The following PAK5 variants were observed in gnomAD, a reference collection of about 807,000 sequenced individuals.
PAK5 encodes the protein serine/threonine-protein kinase PAK 5.
PAK5 carries 16 observed loss-of-function variants against 65.9 expected under a neutral mutation model. The observed-to-expected ratio is 0.24, with a 90% CI of 0.16 to 0.37. The LOEUF is 0.37. Ranked by LOEUF, PAK5 falls within the 10% of genes least tolerant of loss-of-function variation. PAK5 has a pLI of 1.00. For synonymous variants in PAK5, 371 were observed against 354.9 expected (o/e 1.05, Z -0.51); for missense variants, 785 against 903.9 (o/e 0.87, Z 1.69).
At chr20:9,719,429 A>C (rs2048188537) in intron 1 of PAK5, among the ~76,000 whole-genome samples, 2 of 152,166 alleles carry the variant, frequency 1.3e-5, no homozygotes, top group Non-Finnish European at 2.9e-5. Context: ...ACAGGAAAAT[A>C]TCTGGTTTGA....
chr20:9,600,071 A>G (rs1016233117), intron 3 of PAK5, among the ~76,000 whole-genome samples: 1 of 152,136 alleles, frequency 6.6e-6, no homozygotes, highest in Non-Finnish European at 1.5e-5. Flanking sequence ...GCTGTTGGGT[A>G]TCCAGTTCTC....
chr20:9,607,954 A>G (rs2046485706), intron 3 of PAK5, among the ~76,000 whole-genome samples: 1 of 152,216 alleles, frequency 6.6e-6, no homozygotes, highest in African/African-American at 2.4e-5. Flanking sequence ...ATAGAAATCT[A>G]TTTCTCACAG....
At chr20:9,729,521 T>C (rs2423441) in intron 1 of PAK5, among the ~76,000 whole-genome samples, 101,427 of 151,954 alleles carry the variant, frequency 0.67, 34,192 homozygotes, top group South Asian at 0.84. Flanking sequence ...GTATCTCTTG[T>C]ACCCACAGGT....
At chr20:9,669,242 T>C (rs1016616226) in intron 2 of PAK5, among the ~76,000 whole-genome samples, 13 of 152,174 alleles carry the variant, frequency 8.5e-5, no homozygotes, top group African/African-American at 3.1e-4. Context: ...GTATTTAGGA[T>C]GGTTTCTCTT....
chr20:9,695,174 T>C (rs1340132895), intron 2 of PAK5, among the ~76,000 whole-genome samples: 1 of 152,070 alleles, frequency 6.6e-6, no homozygotes, highest in East Asian at 1.9e-4. Flanking sequence ...GTAGATATCC[T>C]CTTTTGTGAA....
rs150586534 is a variant in PAK5, at chr20:9,774,417, C to G, written c.-161-62982G>C. On this transcript the variant is annotated intron_variant, in intron 1 of 9. Transcript: ENST00000353224. ...TTGGGGAGCCGCTGGACTTTTCATACATTGCTGATGGGAGTATAAAAATAG... is the reference window on the plus strand; with the variant it reads ...TTGGGGAGCCGCTGGACTTTTCATAGATTGCTGATGGGAGTATAAAAATAG... 9.5e-4 allele frequency among the ~76,000 whole-genome samples: 144 copies of G among 152,282 alleles called. 1 individual carries two copies. Among genetic ancestry groups the G allele is most frequent in the African/African-American group, 3.4e-3 (140 of 41,556 alleles).
rs540759510 is a variant in PAK5 at position 9,674,428 on chromosome 20, C to T, written c.-11-30089G>A. ...GGGGATCAATACTAGAGGAAGAATACGATACAAGCTTTCTTATATGTTTCC... is the reference window on the plus strand; with the variant it reads ...GGGGATCAATACTAGAGGAAGAATATGATACAAGCTTTCTTATATGTTTCC... On this transcript the variant is annotated intron_variant, in intron 2 of 9. Transcript: ENST00000353224. Among the ~76,000 whole-genome samples the T allele has an allele frequency of 1.6e-4, 24 of 152,274 alleles. No individual in the cohort carries two copies. The East Asian group carries it at 3.3e-3, about 21-fold the overall frequency.
chr20:9,702,656 T>C (rs1423559086), intron 2 of PAK5, among the ~76,000 whole-genome samples: 3 of 152,158 alleles, frequency 2.0e-5, no homozygotes, highest in Non-Finnish European at 4.4e-5. Context: ...TCAGTTGTTC[T>C]CCCCTGTTAT....
At chr20:9,807,757 A>AAAAC (rs1383516474) in intron 1 of PAK5, among the ~76,000 whole-genome samples, 2 of 139,652 alleles carry the variant, frequency 1.4e-5, no homozygotes, top group Non-Finnish European at 3.1e-5. Flanking sequence ...CTTCCAGCAA[A>AAAAC]AAATAAATAA....
chr20:9,771,683 A>C (rs928554689), intron 1 of PAK5, among the ~76,000 whole-genome samples: 5 of 149,922 alleles, frequency 3.3e-5, no homozygotes, highest in East Asian at 2.0e-4. Flanking sequence ...AGCCTCTCAA[A>C]GTGCTGGTAT....
intron 3 of PAK5, among the ~76,000 whole-genome samples, chr20:9,640,195 A>G (rs1312929232): frequency 3.8e-5 from 5 of 131,618 alleles, no homozygotes; most frequent in East Asian, 2.8e-4. Context: ...TCCTAATGCT[A>G]TCCCTCCCCC....
Position 9,580,775 on chromosome 20 carries a change from C to T in PAK5, c.360G>A (p.Ala120=), listed in dbSNP as rs764811122. 6.2e-6 allele frequency: 10 copies of T among 1,613,708 alleles called. No homozygotes were observed. The highest frequency in any genetic ancestry group is 2.7e-5 in the African/African-American group (2 of 74,800). ...QGASSHGPGH[A]EENGFITFSQ... is the part of the protein sequence containing the mutation. ...AGAAGGTGATGAAGCCATTTTCTTC[C>T]GCGTGGCCTGGACCGTGGCTGGAGG... Residue 120 remains alanine (A), a synonymous_variant, in exon 4 of 10, where the codon GCG becomes GCA. Coordinates refer to ENST00000353224, the MANE Select transcript of PAK5 (RefSeq NM_177990.4).
intron 3 of PAK5, among the ~76,000 whole-genome samples, chr20:9,635,437 C>G (rs2046971885): frequency 1.3e-5 from 2 of 152,162 alleles, no homozygotes. Context: ...CATCCAATCT[C>G]TACTTGTCCA....
In PAK5 at chr20:9,595,921, G is replaced by T. The variant is rs77807311; in HGVS notation, c.205-14991C>A. 2.3e-3 allele frequency among the ~76,000 whole-genome samples: 343 copies of T among 151,242 alleles called. 2 individuals are homozygous for T. The highest frequency in any genetic ancestry group is 8.2e-3 in the African/African-American group (334 of 40,668). ...AGGCTTGAAAAAAATCAAATTTATAGCTTAACTATTGATTTTGTTCATGTG... is the reference window on the plus strand; with the variant it reads ...AGGCTTGAAAAAAATCAAATTTATATCTTAACTATTGATTTTGTTCATGTG... On this transcript the variant is annotated intron_variant, in intron 3 of 9. Coordinates refer to ENST00000353224, the MANE Select transcript of PAK5 (RefSeq NM_177990.4).
At chr20:9,764,634 T>A (rs1411752684) in intron 1 of PAK5, among the ~76,000 whole-genome samples, 1 of 152,136 alleles carries the variant, frequency 6.6e-6, no homozygotes, top group Non-Finnish European at 1.5e-5. Context: ...ATACTGGAGA[T>A]TATAGTCCAA....
intron 3 of PAK5, among the ~76,000 whole-genome samples, chr20:9,642,428 C>G (rs2060858179): frequency 6.6e-6 from 1 of 152,108 alleles, no homozygotes; most frequent in African/African-American, 2.4e-5. Flanking sequence ...TAATGATACT[C>G]CAGGGTAAGA....
chr20:9,798,946 G>T (rs1475200602), intron 1 of PAK5, among the ~76,000 whole-genome samples: 1 of 152,126 alleles, frequency 6.6e-6, no homozygotes, highest in Non-Finnish European at 1.5e-5. Flanking sequence ...CCATTCAGGT[G>T]ATTCTGATGG....
At chr20:9,768,821 G>GA (rs559609473) in intron 1 of PAK5, among the ~76,000 whole-genome samples, 24,546 of 101,376 alleles carry the variant, frequency 0.24, 2,404 homozygotes, top group African/African-American at 0.34. Context: ...GGGAAAGAAA[G>GA]AAAAAAAAAA....
At chr20:9,716,716 C>T (rs188741511) in intron 1 of PAK5, among the ~76,000 whole-genome samples, 25 of 152,260 alleles carry the variant, frequency 1.6e-4, no homozygotes, top group Admixed American at 1.6e-3. Context: ...ATTTCTTTCT[C>T]TTAAAATATG....
Sources: gnomAD v4.1 joint callset for allele counts (sites outside exome capture counted in the v4.1 genomes callset) on GRCh38, gnomAD v4.1.1 for gene constraint, MANE v1.5 for transcripts, NCBI Gene and HGNC (gene_info 2026-07-23, HGNC 2026-07-21) for gene names.